SENP6: variants seen among roughly 807,000 people sequenced by gnomAD.
SENP6 encodes SUMO specific peptidase 6, also known as sentrin-specific protease 6.
SENP6 carries 41 observed loss-of-function variants against 134.5 expected under a neutral mutation model. The observed-to-expected ratio is 0.30, with a 90% confidence interval of 0.24 to 0.40. SENP6 has a LOEUF of 0.40. Among genes scored for constraint, SENP6 ranks in the 10% least tolerant of loss-of-function variants. The pLI is 1.00. For missense variants in SENP6, 1,248 were observed against 1,312.5 expected (o/e 0.95, Z 0.76); for synonymous variants, 395 against 429.8 (o/e 0.92, Z 1.00).
At chr6:75,671,884 AT>A (rs1156256332) in intron 11 of SENP6, among the ~76,000 whole-genome samples, 1 of 152,204 alleles carries the variant, frequency 6.6e-6, no homozygotes, top group Non-Finnish European at 1.5e-5. Context: ...AGAAAATGAA[AT>A]GTGAACCTGA....
intron 19 of SENP6, among the ~76,000 whole-genome samples, chr6:75,708,701 C>T (rs1775567687): frequency 2.0e-5 from 3 of 152,204 alleles, no homozygotes; most frequent in Admixed American, 1.3e-4. Context: ...TCAAGACCAG[C>T]CTGGTCAACA....
chr6:75,663,592 C>T (rs1771943777), intron 9 of SENP6, 74 bp downstream of exon 9: 2 of 1,040,350 alleles, frequency 1.9e-6, no homozygotes, highest in Admixed American at 2.6e-5. Context: ...CAACCACTCT[C>T]CCCAACCCCA....
intron 7 of SENP6, among the ~76,000 whole-genome samples, chr6:75,648,546 T>C (rs527731738): frequency 1.4e-4 from 22 of 152,188 alleles, no homozygotes; most frequent in Middle Eastern, 3.2e-3. Flanking sequence ...TGAAAATCTT[T>C]TGTGCATGTA....
chr6:75,672,954 A>G (rs578252443), intron 11 of SENP6, among the ~76,000 whole-genome samples: 2 of 152,018 alleles, frequency 1.3e-5, no homozygotes, highest in East Asian at 3.9e-4. Flanking sequence ...CAGCCTCCCG[A>G]GTAGCTGGGA....
rs141831865 is a variant in SENP6, at chr6:75,627,020, A to G, written c.207+3060A>G. Among the ~76,000 whole-genome samples, 175 of 151,886 alleles carry G rather than the reference A, an allele frequency of 1.2e-3. 1 individual carries two copies. The highest frequency in any genetic ancestry group is 4.1e-3 in the African/African-American group (170 of 41,416). ...CACTCTGTTGCCCAGGTTGGAGTGC[A>G]TGGTGCGATATCGGCTCACTGCAAC... On this transcript the variant is annotated intron_variant, in intron 3 of 23. Coordinates refer to ENST00000447266, the MANE Select transcript of SENP6 (RefSeq NM_015571.4).
At chr6:75,684,515 G>T (rs1169749424) in intron 16 of SENP6, among the ~76,000 whole-genome samples, 8 of 152,072 alleles carry the variant, frequency 5.3e-5, no homozygotes, top group African/African-American at 1.7e-4. Context: ...GCCCATTCAG[G>T]ATGATATTGG....
intron 6 of SENP6, among the ~76,000 whole-genome samples, chr6:75,642,927 C>T (rs918797523): frequency 6.6e-6 from 1 of 152,004 alleles, no homozygotes; most frequent in South Asian, 2.1e-4. Flanking sequence ...GAGGTAAAAC[C>T]AATCTTTTTG....
intron 9 of SENP6, among the ~76,000 whole-genome samples, chr6:75,666,155 A>G (rs1023751707): frequency 3.7e-5 from 2 of 53,706 alleles, no homozygotes; most frequent in Admixed American, 6.0e-4. Flanking sequence ...TATAAAACAT[A>G]TATGATATAT....
At position 75,602,340 on chromosome 6, in the gene SENP6, C is replaced by T; in HGVS notation, c.-185C>T. ...GCTGCCCGCCAGCCCGCGGACAGGC[C>T]CGGGCGCGCCTGGCCTGCCTTTGTA... On this transcript the variant is annotated 5_prime_UTR_variant, in exon 1 of 24. Coordinates refer to ENST00000447266, the MANE Select transcript of SENP6 (RefSeq NM_015571.4). The T allele has an allele frequency of 3.6e-6, 2 of 562,618 alleles. No individual in the cohort carries two copies. The highest frequency in any genetic ancestry group is 4.9e-5 in the South Asian group (2 of 40,584). The allele number at this position is 562,618 out of a possible 1,614,324, so 34.9% of individuals were successfully genotyped here.
At chr6:75,706,163 T>G (rs1775396124) in intron 19 of SENP6, among the ~76,000 whole-genome samples, 1 of 151,696 alleles carries the variant, frequency 6.6e-6, no homozygotes, top group Admixed American at 6.6e-5. Context: ...GATTAGTGGC[T>G]GCTCGGGGCT....
At chr6:75,619,404 A>G (rs142903910) in intron 1 of SENP6, among the ~76,000 whole-genome samples, 94 of 151,842 alleles carry the variant, frequency 6.2e-4, no homozygotes, top group African/African-American at 2.0e-3. Flanking sequence ...CCTGTATCCA[A>G]TTCGTATCCC....
chr6:75,701,633 CTTTTTTTTTTT>C (rs60715314), intron 18 of SENP6, among the ~76,000 whole-genome samples: 3 of 80,140 alleles, frequency 3.7e-5, no homozygotes, highest in East Asian at 4.3e-4. Flanking sequence ...ACAGTTTAAT[CTTTTTTTTTTT>C]TTTTTTTTTT....
At chr6:75,703,568 C>T (rs1446931970) in intron 19 of SENP6, among the ~76,000 whole-genome samples, 1 of 152,078 alleles carries the variant, frequency 6.6e-6, no homozygotes, top group Non-Finnish European at 1.5e-5. Flanking sequence ...TGAAACCAGC[C>T]TGGGCAACAT....
chr6:75,703,329 C>T (rs1775171400), intron 19 of SENP6, among the ~76,000 whole-genome samples: 1 of 152,044 alleles, frequency 6.6e-6, no homozygotes, highest in Non-Finnish European at 1.5e-5. Context: ...AAAGAATTTA[C>T]TTATAACAAT....
At chr6:75,662,836 C>CT (rs1260274483) in intron 8 of SENP6, among the ~76,000 whole-genome samples, 12 of 152,028 alleles carry the variant, frequency 7.9e-5, no homozygotes, top group Non-Finnish European at 1.5e-4. Flanking sequence ...CCCTCTTTAC[C>CT]TTTATTATAG....
intron 1 of SENP6, among the ~76,000 whole-genome samples, chr6:75,612,303 C>T (rs754979153): frequency 1.3e-5 from 2 of 152,148 alleles, no homozygotes; most frequent in South Asian, 2.1e-4. Context: ...AATTGCTTTT[C>T]GAACATACAC....
chr6:75,659,533 G>A (rs1401655454), intron 8 of SENP6, 126 bp downstream of exon 8: 1 of 840,528 alleles, frequency 1.2e-6, no homozygotes, highest in Admixed American at 3.4e-5. Context: ...AACTTATTTA[G>A]GCAGCTTTTT....
chr6:75,689,094 G>T (rs564677347), intron 16 of SENP6, among the ~76,000 whole-genome samples: 50 of 152,230 alleles, frequency 3.3e-4, no homozygotes, highest in African/African-American at 1.1e-3. Context: ...GGGCATGGTG[G>T]TGCACACCTA....
intron 19 of SENP6, among the ~76,000 whole-genome samples, chr6:75,703,810 A>C (rs1157081544): frequency 6.6e-6 from 1 of 152,068 alleles, no homozygotes; most frequent in Admixed American, 6.6e-5. Context: ...TCAAAAAAAA[A>C]TCCCATTGTG....
Sources: allele counts gnomAD v4.1 joint callset (sites outside exome capture counted in the v4.1 genomes callset), GRCh38; gene constraint gnomAD v4.1.1; transcripts MANE v1.5; gene names NCBI Gene and HGNC (gene_info 2026-07-23, HGNC 2026-07-21).